The following ANK3 variants were observed in gnomAD, a reference collection of about 807,000 sequenced individuals.
ANK3 encodes the protein ankyrin-3.
A neutral mutation model predicts 370.9 loss-of-function variants in ANK3; 57 were observed. The ratio of observed to expected loss-of-function variants is 0.15; its 90% CI spans 0.12 to 0.19. The LOEUF is 0.19. Ranked by LOEUF, ANK3 falls within the 10% of genes least tolerant of loss-of-function variation. The pLI is 1.00. For missense variants in ANK3, 4,439 were observed against 5,302.1 expected (o/e 0.84, Z 5.06); for synonymous variants, 1,929 against 1,946.3 (o/e 0.99, Z 0.23).
intron 7 of ANK3, among the ~76,000 whole-genome samples, chr10:60,242,073 C>A (rs1246532604): frequency 6.6e-6 from 1 of 151,978 alleles, no homozygotes; most frequent in East Asian, 1.9e-4. Flanking sequence ...GCCCTTTTTT[C>A]TTTTGTAGTT....
At chr10:60,082,947 T>C (rs10994184) in intron 33 of ANK3, among the ~76,000 whole-genome samples, 5,077 of 152,276 alleles carry the variant, frequency 0.033, 295 homozygotes, top group African/African-American at 0.12. Context: ...CGCAGGATTG[T>C]TGTGTCTGAT....
intron 4 of ANK3, among the ~76,000 whole-genome samples, chr10:60,271,605 G>A (rs2097986936): frequency 6.6e-6 from 1 of 152,054 alleles, no homozygotes; most frequent in African/African-American, 2.4e-5. Flanking sequence ...AAGAATAAAA[G>A]TAAATATATT....
chr10:60,079,541 G>T (rs970372325), intron 36 of ANK3, among the ~76,000 whole-genome samples: 2 of 152,160 alleles, frequency 1.3e-5, no homozygotes, highest in African/African-American at 4.8e-5. Flanking sequence ...AAAAGCCAAA[G>T]ATGTGACTCT....
intron 2 of ANK3, among the ~76,000 whole-genome samples, chr10:60,449,087 T>A (rs2064527889): frequency 6.6e-6 from 1 of 152,174 alleles, no homozygotes; most frequent in Non-Finnish European, 1.5e-5. Context: ...GGCCCTATGC[T>A]AAAATAAGCA....
At chr10:60,442,524 CTG>C (rs376119083) in intron 2 of ANK3, among the ~76,000 whole-genome samples, 63 of 152,240 alleles carry the variant, frequency 4.1e-4, no homozygotes, top group African/African-American at 1.4e-3. Flanking sequence ...TTATTTTTCA[CTG>C]TGTTTTTTCC....
intron 25 of ANK3, among the ~76,000 whole-genome samples, chr10:60,123,485 G>T (rs1208939675): frequency 2.6e-5 from 4 of 152,002 alleles, no homozygotes; most frequent in African/African-American, 9.7e-5. Flanking sequence ...AAAGAGGCAG[G>T]GTCAAGAAAG....
At chr10:60,086,969 G>GA (rs2086852570) in intron 29 of ANK3, 85 bp from the exon 30 acceptor site, 3 of 364,422 alleles carry the variant, frequency 8.2e-6, no homozygotes, top group South Asian at 1.2e-4. Context: ...AAGTGAGAAG[G>GA]AAAAAAACAA....
At chr10:60,531,457 A>G (rs1433983491) in intron 2 of ANK3, among the ~76,000 whole-genome samples, 2 of 152,110 alleles carry the variant, frequency 1.3e-5, no homozygotes, top group Non-Finnish European at 2.9e-5. Flanking sequence ...CTGGTGAGGG[A>G]AAATCAGTGG....
intron 2 of ANK3, among the ~76,000 whole-genome samples, chr10:60,396,890 C>A (rs755893213): frequency 6.6e-6 from 1 of 152,146 alleles, no homozygotes; most frequent in African/African-American, 2.4e-5. Flanking sequence ...CCAACATACA[C>A]GCTGTGATGC....
chr10:60,612,752 A>G (rs1258517123), intron 2 of ANK3, among the ~76,000 whole-genome samples: 1 of 152,200 alleles, frequency 6.6e-6, no homozygotes, highest in African/African-American at 2.4e-5. Context: ...TGGCTCACTC[A>G]GTTTTAATCA....
chr10:60,169,875 C>A lies in ANK3; in HGVS notation c.2478+2433G>T, dbSNP rs190351478. Among the ~76,000 whole-genome samples, 865 of 152,242 alleles carry A rather than the reference C, an allele frequency of 5.7e-3. 5 individuals are homozygous for A. Among genetic ancestry groups the A allele is most frequent in the Non-Finnish European group, 9.0e-3 (611 of 68,010 alleles). ...TTAATTCATATGTCCCTTCAACATACCCCCTACCATTGTGCCTCTGTATTA... is the reference window on the plus strand; with the variant it reads ...TTAATTCATATGTCCCTTCAACATAACCCCTACCATTGTGCCTCTGTATTA... On this transcript the variant is annotated intron_variant, in intron 21 of 43. Transcript: ENST00000280772.
At chr10:60,425,377 GA>G (rs1567029998) in intron 2 of ANK3, among the ~76,000 whole-genome samples, 1 of 152,100 alleles carries the variant, frequency 6.6e-6, no homozygotes, top group Non-Finnish European at 1.5e-5. Context: ...TAAGTATTCG[GA>G]AGAAATATTG....
intron 23 of ANK3, chr10:60,146,047 CAAAAT>C (rs1391569266): frequency 1.3e-5 from 20 of 1,513,738 alleles, no homozygotes; most frequent in Non-Finnish European, 1.6e-5. Context: ...ATAAAATTAA[CAAAAT>C]AAAACAAAAC....
intron 2 of ANK3, among the ~76,000 whole-genome samples, chr10:60,400,344 C>T (rs574140398): frequency 6.6e-6 from 1 of 152,236 alleles, no homozygotes; most frequent in African/African-American, 2.4e-5. Context: ...AATAAGAATG[C>T]TGATTCGGCT....
rs75938551 is a variant in ANK3, at chr10:60,628,108, G to A, written c.58-12884C>T. ...AAACCCTTAATTTGCTAAATGCCAAGGATTTCATTTTATACTTTTCCTAAA... is the reference window on the plus strand; with the variant it reads ...AAACCCTTAATTTGCTAAATGCCAAAGATTTCATTTTATACTTTTCCTAAA... On this transcript the variant is annotated intron_variant, in intron 1 of 43. Coordinates refer to the ANK3 transcript ENST00000373827. Among the ~76,000 whole-genome samples, 189 of 152,144 alleles carry A rather than the reference G, an allele frequency of 1.2e-3. 1 individual carries two copies. In the East Asian group the frequency reaches 0.034, roughly 27 times the overall value.
intron 1 of ANK3, among the ~76,000 whole-genome samples, chr10:60,354,410 C>A (rs2057408442): frequency 6.6e-6 from 1 of 152,228 alleles, no homozygotes; most frequent in Non-Finnish European, 1.5e-5. Flanking sequence ...ATTACATCTT[C>A]ACCTGCTTGA....
chr10:60,131,486 T>C (rs1425862182), intron 25 of ANK3, among the ~76,000 whole-genome samples: 1 of 152,210 alleles, frequency 6.6e-6, no homozygotes, highest in Non-Finnish European at 1.5e-5. Context: ...TCTATAGAAG[T>C]GTTCATGATG....
At chr10:60,086,480 T>G in intron 30 of ANK3, 197 bp downstream of exon 30, 1 of 485,874 alleles carries the variant, frequency 2.1e-6, no homozygotes, top group South Asian at 4.5e-5. Flanking sequence ...GACCAGGATC[T>G]TGACCAGGAT....
At chr10:60,245,381 G>A (rs937565573) in intron 7 of ANK3, among the ~76,000 whole-genome samples, 1 of 152,060 alleles carries the variant, frequency 6.6e-6, no homozygotes, top group African/African-American at 2.4e-5. Context: ...ATTTTAAAGT[G>A]TACAATTCAG....
Sources: allele counts gnomAD v4.1 joint callset (sites outside exome capture counted in the v4.1 genomes callset), GRCh38; gene constraint gnomAD v4.1.1; transcripts MANE v1.5; gene names NCBI Gene and HGNC (gene_info 2026-07-23, HGNC 2026-07-21).